Variants in GLT1D1 observed in about 807,000 individuals in gnomAD.
GLT1D1 encodes glycosyltransferase 1 domain-containing protein 1.
In GLT1D1, 21 loss-of-function variants were observed where a neutral mutation model predicts 28.7. That is an observed-to-expected ratio of 0.73 (90% CI 0.52 to 1.05). GLT1D1 has a LOEUF of 1.05. GLT1D1 is among the 50% of genes least tolerant of loss of function. The pLI is 0.00. For missense variants in GLT1D1, 343 were observed against 330.6 expected (o/e 1.04, Z -0.29); for synonymous variants, 147 against 124.8 (o/e 1.18, Z -1.19).
chr12:128,919,950 T>C (rs1225126694), intron 4 of GLT1D1, among the ~76,000 whole-genome samples: 2 of 3,254 alleles, frequency 6.1e-4, no homozygotes, highest in Non-Finnish European at 2.8e-3. Flanking sequence ...TATTTCTCTC[T>C]CTCTCTCTCT....
intron 1 of GLT1D1, among the ~76,000 whole-genome samples, chr12:128,862,145 A>G (rs1044828465): frequency 6.6e-6 from 1 of 151,910 alleles, no homozygotes; most frequent in African/African-American, 2.4e-5. Context: ...CCTGGCTAAC[A>G]TGGTGAAACC....
At chr12:128,871,827 A>C (rs1386226076) in intron 1 of GLT1D1, among the ~76,000 whole-genome samples, 3 of 152,086 alleles carry the variant, frequency 2.0e-5, no homozygotes, top group African/African-American at 4.8e-5. Context: ...ATAAATAACT[A>C]TTTCATTGCT....
At chr12:128,866,243 T>A (rs776650628) in intron 1 of GLT1D1, among the ~76,000 whole-genome samples, 1 of 151,798 alleles carries the variant, frequency 6.6e-6, no homozygotes, top group Admixed American at 6.6e-5. Context: ...TAATTTTTTA[T>A]ATTTTTTAGT....
chr12:128,855,432 T>C (rs1435010582), intron 1 of GLT1D1, among the ~76,000 whole-genome samples: 1 of 151,280 alleles, frequency 6.6e-6, no homozygotes, highest in Non-Finnish European at 1.5e-5. Context: ...TGATGTGGTG[T>C]GTGCATGCCT....
intron 6 of GLT1D1, among the ~76,000 whole-genome samples, chr12:128,951,740 T>C (rs1876711090): frequency 6.6e-6 from 1 of 152,246 alleles, no homozygotes; most frequent in African/African-American, 2.4e-5. Context: ...CTGCACAACG[T>C]CATCATCGTC....
chr12:128,932,753 T>G (rs1874067934), intron 4 of GLT1D1, among the ~76,000 whole-genome samples: 1 of 152,104 alleles, frequency 6.6e-6, no homozygotes, highest in Non-Finnish European at 1.5e-5. Context: ...TCGGGGGGCC[T>G]TTAGCAGAGG....
At chr12:128,964,312 G>A (rs1878245939) in intron 7 of GLT1D1, among the ~76,000 whole-genome samples, 1 of 152,154 alleles carries the variant, frequency 6.6e-6, no homozygotes, top group African/African-American at 2.4e-5. Flanking sequence ...GAGCCTGAGA[G>A]GTAGAGGCTG....
At chr12:128,946,238 A>G (rs1180131879) in intron 5 of GLT1D1, among the ~76,000 whole-genome samples, 2 of 152,230 alleles carry the variant, frequency 1.3e-5, no homozygotes, top group East Asian at 3.8e-4. Flanking sequence ...GTCTGGTGAA[A>G]AAAATAGAAC....
chr12:128,975,217 T>C (rs957308573), intron 7 of GLT1D1, among the ~76,000 whole-genome samples: 4 of 152,098 alleles, frequency 2.6e-5, no homozygotes, highest in African/African-American at 9.7e-5. Context: ...ACTGGCAGAT[T>C]CACTGGGGGT....
In GLT1D1 at chr12:128,882,499, A is replaced by T. The variant is rs377165074; in HGVS notation, c.218-6140A>T. 7.2e-5 allele frequency among the ~76,000 whole-genome samples: 11 copies of T among 152,200 alleles called. No individual in the cohort carries two copies. The East Asian group carries it at 1.7e-3, about 24-fold the overall frequency. Reference sequence around the variant, plus strand: ...ACTATGTTGGCGAGGCTAGTCTCGAATCCTGACCTCAGGTGACCCACCACC... The same window carrying T: ...ACTATGTTGGCGAGGCTAGTCTCGATTCCTGACCTCAGGTGACCCACCACC... On this transcript the variant is annotated intron_variant, in intron 2 of 7. Transcript: ENST00000281703.
intron 4 of GLT1D1, among the ~76,000 whole-genome samples, chr12:128,921,043 A>G (rs1275120913): frequency 6.6e-6 from 1 of 152,206 alleles, no homozygotes; most frequent in African/African-American, 2.4e-5. Flanking sequence ...AGTGTAATTC[A>G]TCAGAGTTGA....
Position 128,931,917 on chromosome 12 carries a change from G to GCACGCACACACACACA in GLT1D1, c.376-13406_376-13405insGCACACACACACACAC, listed in dbSNP as rs1368012620. 2.3e-3 allele frequency among the ~76,000 whole-genome samples: 325 copies of GCACGCACACACACACA among 141,102 alleles called. 2 individuals carry two copies. Among genetic ancestry groups the GCACGCACACACACACA allele is most frequent in the African/African-American group, 7.4e-3 (288 of 38,790 alleles). 92.6% of individuals were successfully genotyped at this position (141,102 alleles called of 152,430 possible). On this transcript the variant is annotated intron_variant, in intron 4 of 7. Transcript: ENST00000281703. ...TGAGGATATGTGCACACACACGCAC[G>GCACGCACACACACACA]CACACACACACACACACACACACAA...
In GLT1D1 at chr12:128,957,653, A is replaced by C. The variant is rs749274686; in HGVS notation, c.639+10A>C. On this transcript the variant is annotated intron_variant, in intron 7 of 7. Transcript: ENST00000281703. ...GTTTTCCAATCCTCAGGTAAAGAAA[A>C]GTTCTTTCCCTCCATTCACTCACCT... The C allele has an allele frequency of 1.9e-6, 3 of 1,549,304 alleles. No homozygotes were observed. The highest frequency in any genetic ancestry group is 1.7e-5 in the Admixed American group (1 of 59,878).
chr12:128,971,860 C>T (rs67126719), intron 7 of GLT1D1, among the ~76,000 whole-genome samples: 2 of 61,968 alleles, frequency 3.2e-5, no homozygotes, highest in Admixed American at 1.7e-4. Flanking sequence ...TCCCTTCCCC[C>T]CTCCCTCCTC....
intron 7 of GLT1D1, among the ~76,000 whole-genome samples, chr12:128,973,348 A>ATTTTTTTTTTTT (rs369304204): frequency 1.7e-5 from 2 of 118,870 alleles, no homozygotes; most frequent in African/African-American, 3.2e-5. Flanking sequence ...ACACCTGGCT[A>ATTTTTTTTTTTT]TTTTTTTTTT....
intron 4 of GLT1D1, among the ~76,000 whole-genome samples, chr12:128,935,986 A>T (rs1022024963): frequency 2.0e-5 from 3 of 152,078 alleles, no homozygotes; most frequent in African/African-American, 7.2e-5. Context: ...CTGGGTGCGC[A>T]GGACTTAACT....
chr12:128,937,012 C>T (rs181523782), intron 4 of GLT1D1, among the ~76,000 whole-genome samples: 41 of 152,158 alleles, frequency 2.7e-4, no homozygotes, highest in Admixed American at 2.4e-3. Flanking sequence ...GCTGTTATGC[C>T]TTAAGTTTTA....
chr12:128,959,411 T>G (rs1201998179), intron 7 of GLT1D1, among the ~76,000 whole-genome samples: 3 of 31,540 alleles, frequency 9.5e-5, no homozygotes, highest in South Asian at 1.9e-3. Flanking sequence ...CATGAGGCAG[T>G]GGGGGGGGAC....
intron 6 of GLT1D1, among the ~76,000 whole-genome samples, chr12:128,947,955 T>G (rs557169082): frequency 3.3e-5 from 5 of 152,156 alleles, no homozygotes; most frequent in Admixed American, 6.5e-5. Context: ...CCAGGGTGGA[T>G]CTGATCTCTT....
Sources: allele counts gnomAD v4.1 joint callset (sites outside exome capture counted in the v4.1 genomes callset), GRCh38; gene constraint gnomAD v4.1.1; transcripts MANE v1.5; gene names NCBI Gene and HGNC (gene_info 2026-07-23, HGNC 2026-07-21).